SIN3A: variants seen among roughly 807,000 people sequenced by gnomAD.
SIN3A encodes SIN3 transcription regulator family member A.
A neutral mutation model predicts 146.1 loss-of-function variants in SIN3A; 14 were observed. The observed-to-expected ratio is 0.10, with a 90% confidence interval of 0.06 to 0.15. The LOEUF (loss-of-function observed/expected upper bound fraction) is 0.15. Among genes scored for constraint, SIN3A ranks in the 10% least tolerant of loss-of-function variants. The probability of loss-of-function intolerance (pLI) is 1.00; values close to 1 mark genes in which losing one functional copy is unlikely to be tolerated. For missense variants in SIN3A, 1,028 were observed against 1,576.0 expected (o/e 0.65, Z 5.89); for synonymous variants, 572 against 572.0 (o/e 1.00, Z 0.00).
intron 8 of SIN3A, among the ~76,000 whole-genome samples, chr15:75,409,498 G>T (rs1187134381): frequency 6.6e-6 from 1 of 151,728 alleles, no homozygotes; most frequent in Non-Finnish European, 1.5e-5. Flanking sequence ...AGGCCGAGGC[G>T]GGCAGATCAT....
chr15:75,445,759 G>GAAAA (rs774883850), intron 1 of SIN3A, among the ~76,000 whole-genome samples: 95 of 86,334 alleles, frequency 1.1e-3, no homozygotes, highest in Non-Finnish European at 1.3e-3. Context: ...TCAAAAAAAA[G>GAAAA]AAAAAAAAAA....
At chr15:75,402,031 G>C in intron 9 of SIN3A, 61 bp from the exon 10 acceptor site, 1 of 1,073,440 alleles carries the variant, frequency 9.3e-7, no homozygotes, top group Non-Finnish European at 1.4e-6. Flanking sequence ...GAACTGAAAA[G>C]GGCCTCGCTC....
upstream of SIN3A, among the ~76,000 whole-genome samples, chr15:75,452,288 C>T (rs1002980918): frequency 1.3e-5 from 2 of 152,222 alleles, no homozygotes; most frequent in African/African-American, 4.8e-5. Flanking sequence ...GAGGCTGAAC[C>T]TTAGCAGTCC....
intron 17 of SIN3A, among the ~76,000 whole-genome samples, chr15:75,382,804 C>T (rs1239566093): frequency 1.3e-5 from 2 of 151,920 alleles, no homozygotes; most frequent in African/African-American, 2.4e-5. Flanking sequence ...AAAATTAGAC[C>T]GGGTGCAGTG....
intron 16 of SIN3A, among the ~76,000 whole-genome samples, chr15:75,387,445 T>C (rs2073107378): frequency 6.9e-6 from 1 of 144,566 alleles, no homozygotes; most frequent in Non-Finnish European, 1.5e-5. Flanking sequence ...AAGGCTACAG[T>C]GAGCTGATCA....
In SIN3A at chr15:75,381,652, G is replaced by C. The variant is rs1280590413; in HGVS notation, c.3249C>G (p.Asp1083Glu). 1 of 1,613,878 alleles carries C rather than the reference G, an allele frequency of 6.2e-7. No individual in the cohort carries two copies. The highest frequency in any genetic ancestry group is 1.3e-5 in the African/African-American group (1 of 75,016). Residue 1083 changes from aspartate to glutamate, a missense_variant, in exon 18 of 21, where the codon GAC becomes GAG. Around this residue, in one of 9 missense-constraint regions of SIN3A, gnomAD observed 488 missense variants for 690.2 expected, o/e 0.71. Transcript: ENST00000394947. ...GQVQLTIELL[D>E]TEEENSDDPV... The stretch of plus-strand genomic sequence containing the variant: ...GGTCATCCGAATTCTCCTCTTCTGT[G>C]TCCAGAAGCTCAATAGTCAGCTGGA...
At chr15:75,380,311 C>T (rs1279893349) in intron 19 of SIN3A, among the ~76,000 whole-genome samples, 2 of 152,192 alleles carry the variant, frequency 1.3e-5, no homozygotes, top group African/African-American at 2.4e-5. Flanking sequence ...TGCATCTTCT[C>T]GCTGTACTAA....
chr15:75,411,469 C>T (rs759678645), intron 6 of SIN3A, 23 bp downstream of exon 6: 14 of 1,601,816 alleles, frequency 8.7e-6, no homozygotes, highest in East Asian at 2.2e-5. Flanking sequence ...CTGGTTAAGA[C>T]AGGCTGAATG....
chr15:75,383,740 T>C (rs2073027006), intron 17 of SIN3A, among the ~76,000 whole-genome samples: 1 of 152,050 alleles, frequency 6.6e-6, no homozygotes, highest in African/African-American at 2.4e-5. Context: ...TTCTACCTCA[T>C]TCTCCTGAGT....
In SIN3A at chr15:75,392,714, C is replaced by A. The variant is rs2073229335; in HGVS notation, c.2379G>T (p.Leu793=). The A allele has an allele frequency of 6.2e-7, 1 of 1,614,206 alleles. No homozygotes were observed. The highest frequency in any genetic ancestry group is 8.5e-7 in the Non-Finnish European group (1 of 1,180,030). The change falls in exon 15 of 21, where the codon CTG becomes CTT. Residue 793 remains leucine (L), a synonymous_variant. Coordinates refer to ENST00000394947, the MANE Select transcript of SIN3A (RefSeq NM_001145358.2). ...DKQILEDAAA[L]IIHHVKRQTG... ...TCTGCCTCTTCACATGGTGGATAAT[C>A]AGAGCAGCAGCATCTTCCAGTATTT...
chr15:75,433,352 G>A (rs980170466), intron 1 of SIN3A, among the ~76,000 whole-genome samples: 2 of 152,126 alleles, frequency 1.3e-5, no homozygotes, highest in African/African-American at 2.4e-5. Context: ...ATTGTAGTGA[G>A]CTTTTCATAC....
rs1222574300 is a variant in SIN3A at position 75,377,005 on chromosome 15, C to G, written c.3384-1133G>C. Among the ~76,000 whole-genome samples the G allele has an allele frequency of 5.3e-5, 8 of 152,056 alleles. No homozygotes were observed. In the East Asian group the frequency reaches 1.5e-3, roughly 29 times the overall value. On this transcript the variant is annotated intron_variant, in intron 19 of 20. Transcript: ENST00000394947. The stretch of plus-strand genomic sequence containing the variant: ...GGAGATCTGTGAGATCAAAACTATT[C>G]TCATAATAATACTAAAACATTATTT...
intron 1 of SIN3A, among the ~76,000 whole-genome samples, chr15:75,431,291 A>C (rs529499055): frequency 1.3e-5 from 2 of 152,200 alleles, no homozygotes; most frequent in Non-Finnish European, 2.9e-5. Context: ...AAATAAGAAA[A>C]GTTGGAACAG....
chr15:75,391,862 T>A (rs561377307), intron 15 of SIN3A, among the ~76,000 whole-genome samples: 1 of 152,342 alleles, frequency 6.6e-6, no homozygotes, highest in African/African-American at 2.4e-5. Context: ...AATTCTGTTT[T>A]AAGCACTAGG....
chr15:75,385,167 G>T (rs915632009), intron 16 of SIN3A, among the ~76,000 whole-genome samples: 9 of 152,128 alleles, frequency 5.9e-5, no homozygotes, highest in Non-Finnish European at 8.8e-5. Flanking sequence ...GGTGAGGAAG[G>T]GAGCCTTGGA....
At chr15:75,432,248 G>T (rs1448564835) in intron 1 of SIN3A, among the ~76,000 whole-genome samples, 1 of 152,188 alleles carries the variant, frequency 6.6e-6, no homozygotes, top group Non-Finnish European at 1.5e-5. Context: ...ATGAGGAACT[G>T]AGTCTAATCA....
intron 19 of SIN3A, among the ~76,000 whole-genome samples, chr15:75,376,797 T>C (rs1469940322): frequency 1.3e-5 from 2 of 148,324 alleles, no homozygotes; most frequent in East Asian, 2.0e-4. Flanking sequence ...AAGGCGGAGG[T>C]TGCAGAAAGC....
chr15:75,451,848 A>C (rs911162320), upstream of SIN3A: 2 of 150,328 alleles, frequency 1.3e-5, no homozygotes, highest in Non-Finnish European at 1.5e-5. Context: ...CTGGTAGGGG[A>C]GGGGGAGCCG....
intron 16 of SIN3A, among the ~76,000 whole-genome samples, chr15:75,386,861 A>G (rs1354689318): frequency 6.6e-6 from 1 of 152,194 alleles, no homozygotes; most frequent in Non-Finnish European, 1.5e-5. Flanking sequence ...GCTGGAATGC[A>G]GTGGTGCAAT....
Sources: gnomAD v4.1 joint callset for allele counts (sites outside exome capture counted in the v4.1 genomes callset) on GRCh38, gnomAD v4.1.1 for gene constraint, gnomAD v4.1.1 regional missense constraint, MANE v1.5 for transcripts, NCBI Gene and HGNC (gene_info 2026-07-23, HGNC 2026-07-21) for gene names.